The following SMARCAL1 variants were observed in gnomAD, a reference collection of about 807,000 sequenced individuals.
The protein encoded by SMARCAL1 is ATP-driven annealing helicase.
In SMARCAL1, 58 loss-of-function variants were observed where a neutral mutation model predicts 94.5. The observed-to-expected ratio is 0.61, with a 90% CI of 0.50 to 0.76. SMARCAL1 has a LOEUF of 0.76. SMARCAL1 is among the 30% of genes least tolerant of loss of function. The pLI is 0.00. For synonymous variants in SMARCAL1, 422 were observed against 455.1 expected (o/e 0.93, Z 0.93); for missense variants, 1,051 against 1,177.9 (o/e 0.89, Z 1.58).
chr2:216,456,268 T>C (rs1694565057), intron 12 of SMARCAL1, among the ~76,000 whole-genome samples: 1 of 152,168 alleles, frequency 6.6e-6, no homozygotes, highest in Non-Finnish European at 1.5e-5. Context: ...TGGAAAACAC[T>C]CTGCAGGATA....
intron 5 of SMARCAL1, among the ~76,000 whole-genome samples, chr2:216,421,678 A>C (rs1214250628): frequency 6.6e-6 from 1 of 152,194 alleles, no homozygotes; most frequent in Non-Finnish European, 1.5e-5. Flanking sequence ...CCTGGGTGTC[A>C]TTCTCAGCTT....
intron 8 of SMARCAL1, among the ~76,000 whole-genome samples, chr2:216,433,380 C>T (rs1489701845): frequency 3.9e-5 from 6 of 151,962 alleles, no homozygotes; most frequent in Non-Finnish European, 8.8e-5. Context: ...GTGCCCGGCC[C>T]ACACTTAATT....
chr2:216,440,862 C>T (rs1198807132), intron 10 of SMARCAL1, among the ~76,000 whole-genome samples: 1 of 152,096 alleles, frequency 6.6e-6, no homozygotes, highest in Non-Finnish European at 1.5e-5. Context: ...AGCAGTTCCT[C>T]CCCAGTCATG....
chr2:216,455,524 G>A (rs367714932), intron 12 of SMARCAL1, among the ~76,000 whole-genome samples: 1 of 152,224 alleles, frequency 6.6e-6, no homozygotes, highest in South Asian at 2.1e-4. Flanking sequence ...CGATCAGGCA[G>A]CAACATCTGC....
intron 9 of SMARCAL1, among the ~76,000 whole-genome samples, chr2:216,437,969 G>T (rs1694113835): frequency 6.6e-6 from 1 of 152,182 alleles, no homozygotes. Context: ...AGCCTGATCG[G>T]TTGTCAGTGT....
intron 7 of SMARCAL1, among the ~76,000 whole-genome samples, chr2:216,432,423 C>G (rs1693983940): frequency 6.6e-6 from 1 of 152,240 alleles, no homozygotes; most frequent in Admixed American, 6.5e-5. Context: ...GGCAACTCCT[C>G]TCACTGGAAA....
chr2:216,475,325 G>A lies in SMARCAL1; in HGVS notation c.2301G>A (p.Leu767=), dbSNP rs1292945401. Residue 767 remains leucine (L), a synonymous_variant, in exon 15 of 18, where the codon CTG becomes CTA. Coordinates refer to ENST00000357276, the MANE Select transcript of SMARCAL1 (RefSeq NM_014140.4). This position sits in a 1 kb window ranked among gnomAD's most constrained non-coding sequence, Gnocchi z 4.4. ...GSTSSAERED[L]CQQFQLSERH... Reference sequence around the variant, plus strand: ...CCTCATCAGCTGAGCGGGAGGACCTGTGCCAGCAGTTCCAACTGTCGGAGA... The same window carrying A: ...CCTCATCAGCTGAGCGGGAGGACCTATGCCAGCAGTTCCAACTGTCGGAGA... 1 of 1,614,224 alleles carries A rather than the reference G, an allele frequency of 6.2e-7. No homozygotes were observed. Among genetic ancestry groups the A allele is most frequent in the Admixed American group, 1.7e-5 (1 of 60,022 alleles).
intron 17 of SMARCAL1, chr2:216,479,228 G>A (rs931764961): frequency 3.9e-5 from 6 of 152,262 alleles, no homozygotes; most frequent in African/African-American, 1.4e-4. Flanking sequence ...CCTTACGGTA[G>A]CTTATCAGGA....
intron 10 of SMARCAL1, among the ~76,000 whole-genome samples, chr2:216,443,691 A>G (rs17486207): frequency 0.096 from 14,672 of 152,232 alleles, 877 homozygotes; most frequent in South Asian, 0.18. Flanking sequence ...GGAACCATTT[A>G]TGTGAAATAA....
At chr2:216,422,227 A>C (rs1574449169) in intron 5 of SMARCAL1, among the ~76,000 whole-genome samples, 1 of 152,142 alleles carries the variant, frequency 6.6e-6, no homozygotes, top group Non-Finnish European at 1.5e-5. Context: ...TAAAAATACA[A>C]AAACTAGCCA....
chr2:216,422,255 C>T (rs973582825), intron 5 of SMARCAL1, among the ~76,000 whole-genome samples: 2 of 152,180 alleles, frequency 1.3e-5, no homozygotes, highest in African/African-American at 4.8e-5. Context: ...TGGTGCCATC[C>T]TGTAATCCCA....
At chr2:216,461,562 T>A (rs1694705424) in intron 12 of SMARCAL1, among the ~76,000 whole-genome samples, 2 of 152,190 alleles carry the variant, frequency 1.3e-5, no homozygotes, top group Admixed American at 1.3e-4. Flanking sequence ...GTGTGCTGGC[T>A]CACTCCTGTA....
At chr2:216,449,906 C>T (rs952114037) in intron 11 of SMARCAL1, among the ~76,000 whole-genome samples, 61 of 151,774 alleles carry the variant, frequency 4.0e-4, no homozygotes, top group African/African-American at 1.3e-3. Flanking sequence ...GACACCATCT[C>T]GGCTCACTGC....
At position 216,428,689 on chromosome 2, in the gene SMARCAL1, T is replaced by A; in HGVS notation, c.1241T>A (p.Leu414His). The A allele has an allele frequency of 6.2e-7, 1 of 1,614,148 alleles. No individual in the cohort carries two copies. Among genetic ancestry groups the A allele is most frequent in the Non-Finnish European group, 8.5e-7 (1 of 1,179,968 alleles). Reference sequence around the variant, plus strand: ...GCTTCTCAGCTCAAGAAGACATCTCTCAGTCTCACGCCAGATGTCCCAGAG... The same window carrying A: ...GCTTCTCAGCTCAAGAAGACATCTCACAGTCTCACGCCAGATGTCCCAGAG... ...AFASQLKKTSLSLTPDVPEAD... is the reference protein window; with the variant it reads ...AFASQLKKTSHSLTPDVPEAD... The change falls in exon 7 of 18, where the codon CTC (leucine) becomes CAC (histidine). Residue 414 changes from leucine to histidine, a missense_variant. Physicochemically the swap from Leu to His is moderately conservative, Grantham distance 99. Coordinates refer to ENST00000357276, the MANE Select transcript of SMARCAL1 (RefSeq NM_014140.4).
chr2:216,452,496 T>C (rs1694471179), intron 12 of SMARCAL1, among the ~76,000 whole-genome samples: 1 of 151,802 alleles, frequency 6.6e-6, no homozygotes, highest in Non-Finnish European at 1.5e-5. Flanking sequence ...GTTATTTTTT[T>C]TGCCAGCAAA....
intron 17 of SMARCAL1, among the ~76,000 whole-genome samples, chr2:216,479,432 CA>C (rs532759698): frequency 0.021 from 2,527 of 120,336 alleles, 22 homozygotes; most frequent in Admixed American, 0.034. Flanking sequence ...GAGCCTGCCT[CA>C]AAAAAAAAAA....
Position 216,435,371 on chromosome 2 carries a change from G to T in SMARCAL1, c.1519G>T (p.Asp507Tyr), listed in dbSNP as rs1216333550. 1 of 1,614,114 alleles carries T rather than the reference G, an allele frequency of 6.2e-7. No individual in the cohort carries two copies. The highest frequency in any genetic ancestry group is 2.2e-5 in the East Asian group (1 of 44,876). ...TCGGTGGCTGCCATCTCTGAGCCCAGATTGCATCAACGTCGTGGTGACTGG... is the reference window on the plus strand; with the variant it reads ...TCGGTGGCTGCCATCTCTGAGCCCATATTGCATCAACGTCGTGGTGACTGG... ...FLRWLPSLSP[D>Y]CINVVVTGKD... The change falls in exon 9 of 18, where the codon GAT (aspartate) becomes TAT (tyrosine). Residue 507 changes from aspartate to tyrosine, a missense_variant. By Grantham distance (160) the Asp-to-Tyr change is radical. Transcript: ENST00000357276.
intron 12 of SMARCAL1, among the ~76,000 whole-genome samples, chr2:216,462,272 G>A (rs776001284): frequency 1.3e-5 from 2 of 152,184 alleles, no homozygotes; most frequent in Non-Finnish European, 2.9e-5. Flanking sequence ...TATGGCATGA[G>A]TGAGTGTAGG....
At chr2:216,438,333 G>T in intron 9 of SMARCAL1, 87 bp from the exon 10 acceptor site, 1 of 1,138,954 alleles carries the variant, frequency 8.8e-7, no homozygotes, top group Middle Eastern at 1.9e-4. Flanking sequence ...CCTTGCACTT[G>T]CCATGCCAGG....
Sources: allele counts gnomAD v4.1 joint callset (sites outside exome capture counted in the v4.1 genomes callset), GRCh38; gene constraint gnomAD v4.1.1; non-coding constraint Gnocchi (gnomAD v3.1); transcripts MANE v1.5; gene names NCBI Gene and HGNC (gene_info 2026-07-23, HGNC 2026-07-21).